The following PLPPR1 variants were observed in gnomAD, a reference collection of about 807,000 sequenced individuals.
PLPPR1 encodes the protein phospholipid phosphatase-related protein type 1.
PLPPR1 carries 10 observed loss-of-function variants against 33.1 expected under a neutral mutation model. That is an observed-to-expected ratio of 0.30 (90% CI 0.19 to 0.51). PLPPR1 has a LOEUF of 0.51. Ranked by LOEUF, PLPPR1 falls within the 20% of genes least tolerant of loss-of-function variation. The pLI, the probability that PLPPR1 is intolerant of heterozygous loss-of-function variation, is 0.97. For missense variants in PLPPR1, 304 were observed against 408.1 expected, an observed-to-expected ratio of 0.74 and a Z score of 2.20; for synonymous variants, 151 against 151.0, an observed-to-expected ratio of 1.00 and a Z score of 0.00.
intron 4 of PLPPR1, among the ~76,000 whole-genome samples, chr9:101,289,915 T>C (rs973277390): frequency 6.6e-6 from 1 of 152,228 alleles, no homozygotes; most frequent in Non-Finnish European, 1.5e-5. Context: ...TTCATTTGCC[T>C]TCTGTTTAAT....
intron 1 of PLPPR1, among the ~76,000 whole-genome samples, chr9:101,044,187 A>G (rs1461400858): frequency 1.3e-5 from 2 of 152,150 alleles, no homozygotes; most frequent in Non-Finnish European, 2.9e-5. Flanking sequence ...CAAACAAACA[A>G]ACAATACCAT....
At chr9:101,265,597 G>T (rs917098939) in intron 2 of PLPPR1, among the ~76,000 whole-genome samples, 10 of 152,344 alleles carry the variant, frequency 6.6e-5, no homozygotes, top group Admixed American at 1.3e-4. Context: ...ATGGCTAATT[G>T]TGTGGCATCA....
intron 2 of PLPPR1, among the ~76,000 whole-genome samples, chr9:101,238,468 A>C (rs1827379991): frequency 6.6e-6 from 1 of 150,480 alleles, no homozygotes; most frequent in Non-Finnish European, 1.5e-5. Context: ...GAATGAAAGA[A>C]AGTCTTTTAG....
chr9:101,237,979 C>CTCTA (rs1317865325), intron 2 of PLPPR1, among the ~76,000 whole-genome samples: 2 of 79,414 alleles, frequency 2.5e-5, no homozygotes, highest in African/African-American at 1.0e-4. Context: ...GCTATATAGC[C>CTCTA]TATATATATA....
chr9:101,051,231 C>G (rs1830217705), intron 1 of PLPPR1, among the ~76,000 whole-genome samples: 1 of 148,624 alleles, frequency 6.7e-6, no homozygotes, highest in African/African-American at 2.5e-5. Context: ...TCTCTCCATC[C>G]CTTCCAATTC....
chr9:101,151,980 T>C (rs1350872936), intron 1 of PLPPR1, among the ~76,000 whole-genome samples: 1 of 152,200 alleles, frequency 6.6e-6, no homozygotes, highest in Non-Finnish European at 1.5e-5. Flanking sequence ...CACACTGTCT[T>C]CCACAATGGT....
chr9:101,094,761 A>G (rs535211314), intron 1 of PLPPR1, among the ~76,000 whole-genome samples: 3 of 152,330 alleles, frequency 2.0e-5, no homozygotes, highest in South Asian at 2.1e-4. Context: ...GATAAGCACC[A>G]AATTGTGAGT....
intron 4 of PLPPR1, 114 bp downstream of exon 4, chr9:101,286,350 G>A: frequency 2.0e-6 from 2 of 1,018,456 alleles, no homozygotes; most frequent in Non-Finnish European, 2.8e-6. Context: ...GGGCTGCTTT[G>A]GGGATTTTCC....
At chr9:101,069,677 G>A (rs896117522) in intron 1 of PLPPR1, among the ~76,000 whole-genome samples, 1 of 152,074 alleles carries the variant, frequency 6.6e-6, no homozygotes, top group Admixed American at 6.6e-5. Flanking sequence ...TTCCCTAGTT[G>A]GTTCCAATAT....
At chr9:101,196,717 TA>T (rs1041786116) in intron 2 of PLPPR1, among the ~76,000 whole-genome samples, 2 of 151,960 alleles carry the variant, frequency 1.3e-5, no homozygotes, top group African/African-American at 4.8e-5. Flanking sequence ...AAAACAAAAT[TA>T]GCTGGGCGTG....
At chr9:101,061,356 G>A (rs1830345587) in intron 1 of PLPPR1, among the ~76,000 whole-genome samples, 1 of 151,840 alleles carries the variant, frequency 6.6e-6, no homozygotes, top group Admixed American at 6.6e-5. Context: ...TGTTAATTAA[G>A]ATATAACTTG....
At chr9:101,078,945 T>C (rs1830582917) in intron 1 of PLPPR1, among the ~76,000 whole-genome samples, 1 of 152,232 alleles carries the variant, frequency 6.6e-6, no homozygotes. Context: ...AACAATGTGC[T>C]AGATTGTCAG....
At chr9:101,099,193 A>G (rs993131443) in intron 1 of PLPPR1, among the ~76,000 whole-genome samples, 4 of 152,108 alleles carry the variant, frequency 2.6e-5, no homozygotes, top group Non-Finnish European at 4.4e-5. Context: ...TAAAATGCAA[A>G]CAAACCAGCA....
chr9:101,192,999 G>A (rs545041012), intron 2 of PLPPR1, among the ~76,000 whole-genome samples: 1 of 152,232 alleles, frequency 6.6e-6, no homozygotes, highest in Non-Finnish European at 1.5e-5. Context: ...AATGAGCTAT[G>A]GTTTCCAGCA....
At chr9:101,206,946 G>C (rs1002495041) in intron 2 of PLPPR1, among the ~76,000 whole-genome samples, 1 of 151,798 alleles carries the variant, frequency 6.6e-6, no homozygotes, top group Non-Finnish European at 1.5e-5. Flanking sequence ...ATAACCCCTG[G>C]CACTGAAATC....
intron 1 of PLPPR1, among the ~76,000 whole-genome samples, chr9:101,161,148 T>G (rs1831767479): frequency 6.6e-6 from 1 of 152,182 alleles, no homozygotes; most frequent in Admixed American, 6.6e-5. Context: ...TATGATTTTC[T>G]GAGCTGACTA....
intron 2 of PLPPR1, among the ~76,000 whole-genome samples, chr9:101,228,635 G>A (rs1220905901): frequency 6.6e-6 from 1 of 152,164 alleles, no homozygotes. Flanking sequence ...CTGGACAGAG[G>A]TTGATAGTAA....
intron 1 of PLPPR1, among the ~76,000 whole-genome samples, chr9:101,062,815 G>T (rs939878653): frequency 6.6e-6 from 1 of 152,040 alleles, no homozygotes; most frequent in African/African-American, 2.4e-5. Context: ...TGCTTGTGTT[G>T]TCTTTGGGCT....
chr9:101,278,580 G>A (rs1025300488), intron 3 of PLPPR1, among the ~76,000 whole-genome samples: 4 of 152,172 alleles, frequency 2.6e-5, no homozygotes. Context: ...CCACTTGGGG[G>A]AAAGAGAGGG....
Sources: gnomAD v4.1 joint callset for allele counts (sites outside exome capture counted in the v4.1 genomes callset) on GRCh38, gnomAD v4.1.1 for gene constraint, MANE v1.5 for transcripts, NCBI Gene and HGNC (gene_info 2026-07-23, HGNC 2026-07-21) for gene names.